The following FRMD4A variants were observed in gnomAD, a reference collection of about 807,000 sequenced individuals.
FRMD4A encodes FERM domain containing 4A, also known as FERM domain-containing protein 4A.
In FRMD4A, 29 loss-of-function variants were observed where a neutral mutation model predicts 129.1. The observed-to-expected ratio is 0.22, with a 90% CI of 0.17 to 0.31. The LOEUF is 0.31. Among genes scored for constraint, FRMD4A ranks in the 10% least tolerant of loss-of-function variants. FRMD4A has a pLI of 1.00. For synonymous variants in FRMD4A, 634 were observed against 571.6 expected (o/e 1.11, Z -1.56); for missense variants, 1,272 against 1,375.8 (o/e 0.92, Z 1.19).
intron 12 of FRMD4A, among the ~76,000 whole-genome samples, chr10:13,733,388 G>A (rs2090435084): frequency 6.6e-6 from 1 of 152,164 alleles, no homozygotes; most frequent in Non-Finnish European, 1.5e-5. Flanking sequence ...GGTACCCCTA[G>A]AAGCTAACAA....
chr10:13,812,615 G>A lies in FRMD4A; in HGVS notation c.112-1707C>T, dbSNP rs535123833. Among the ~76,000 whole-genome samples the A allele has an allele frequency of 9.2e-5, 14 of 152,314 alleles. No homozygotes were observed. The South Asian group carries it at 2.9e-3, about 32-fold the overall frequency. On this transcript the variant is annotated intron_variant, in intron 3 of 24. Transcript: ENST00000357447. ...ACAGGGACACGGAGTAAGAGCTAGC[G>A]CTGAGTTTAAAAAGCCAAAGAAGAT... is the stretch of plus-strand genomic sequence containing the variant.
intron 2 of FRMD4A, among the ~76,000 whole-genome samples, chr10:13,950,629 A>C (rs1588499462): frequency 6.6e-6 from 1 of 151,632 alleles, no homozygotes; most frequent in African/African-American, 2.4e-5. Flanking sequence ...TCTCTCTTCC[A>C]CCCTCCCCTT....
In FRMD4A at chr10:13,701,444, C is replaced by T. The variant is rs368993550; in HGVS notation, c.871G>A (p.Gly291Ser). Residue 291 changes from glycine to serine, a missense_variant, in exon 14 of 25, where the codon GGC (glycine) becomes AGC (serine). This residue lies in a region of FRMD4A where 300 missense variants were observed against 483.6 expected (regional missense o/e 0.62). Coordinates refer to ENST00000357447, the MANE Select transcript of FRMD4A (RefSeq NM_018027.5). ...SVTRRTFGHS[G>S]IAVHTWYACP... ...GCATACCACGTGTGCACTGCAATGC[C>T]GCTGTGCCCAAACGTCCTCCTTGTC... 34 of 1,613,710 alleles carry T rather than the reference C, an allele frequency of 2.1e-5. No homozygotes were observed. Among genetic ancestry groups the T allele is most frequent in the South Asian group, 1.8e-4 (16 of 91,070 alleles).
At position 13,750,103 on chromosome 10, in the gene FRMD4A, A is replaced by AT. The variant is rs879430544; in HGVS notation, c.465-2285_465-2284insA. Among the ~76,000 whole-genome samples, 293 of 107,964 alleles carry AT rather than the reference A, an allele frequency of 2.7e-3. 1 individual carries two copies. Among genetic ancestry groups the AT allele is most frequent in the Middle Eastern group, 0.018 (4 of 222 alleles). The allele number at this position is 107,964 out of a possible 152,430, so 70.8% of individuals were successfully genotyped here. A position where few individuals can be genotyped will look rare whatever the true frequency, so the allele number is the denominator to read the frequency against. ...AAGAAAGAAAGAAAGAAAGAAAGAA[A>AT]GAAATGAAGAAAGAAAGAAAGAAAG... On this transcript the variant is annotated intron_variant, in intron 8 of 24. Coordinates refer to ENST00000357447, the MANE Select transcript of FRMD4A (RefSeq NM_018027.5).
intron 2 of FRMD4A, among the ~76,000 whole-genome samples, chr10:14,277,470 G>A: frequency 6.6e-6 from 1 of 152,158 alleles, no homozygotes; most frequent in Non-Finnish European, 1.5e-5. Flanking sequence ...AGGAGAGAAG[G>A]TGCCACCTAT....
intron 12 of FRMD4A, among the ~76,000 whole-genome samples, chr10:13,712,475 C>T (rs2088123979): frequency 6.6e-6 from 1 of 151,600 alleles, no homozygotes; most frequent in Admixed American, 6.6e-5. Context: ...GATCTTACCA[C>T]TGCACTCCAG....
At chr10:13,685,635 G>A (rs971819911) in intron 15 of FRMD4A, 6 of 984,218 alleles carry the variant, frequency 6.1e-6, no homozygotes, top group African/African-American at 3.5e-5. Context: ...ACAGAGAAAC[G>A]CTCGTGGGAA....
At chr10:13,813,305 C>T (rs1417660621) in intron 3 of FRMD4A, among the ~76,000 whole-genome samples, 1 of 152,130 alleles carries the variant, frequency 6.6e-6, no homozygotes, top group African/African-American at 2.4e-5. Context: ...ATTAGCCAGG[C>T]GTGGTGGCGT....
intron 23 of FRMD4A, 75 bp from the exon 24 acceptor site, chr10:13,652,049 C>T (rs554375251): frequency 6.4e-5 from 52 of 818,408 alleles, no homozygotes; most frequent in Admixed American, 5.3e-4. Context: ...GACACAGACA[C>T]GATTAGTAGC....
At chr10:14,030,542 AT>A (rs1396778509) in intron 2 of FRMD4A, among the ~76,000 whole-genome samples, 2 of 152,214 alleles carry the variant, frequency 1.3e-5, no homozygotes, top group Non-Finnish European at 2.9e-5. Context: ...AAGAGAGAGG[AT>A]TTTAAAGATT....
At chr10:14,207,729 G>A (rs1383756916) in intron 2 of FRMD4A, among the ~76,000 whole-genome samples, 2 of 151,654 alleles carry the variant, frequency 1.3e-5, no homozygotes, top group East Asian at 1.9e-4. Context: ...CGGAGGGAAG[G>A]AGAAGGAAGA....
At chr10:14,195,338 G>A (rs1842441138) in intron 2 of FRMD4A, among the ~76,000 whole-genome samples, 1 of 151,394 alleles carries the variant, frequency 6.6e-6, no homozygotes, top group Admixed American at 6.6e-5. Context: ...AATTTAAAAA[G>A]AATAAAACCA....
chr10:13,811,571 CA>C (rs11361577), intron 3 of FRMD4A, among the ~76,000 whole-genome samples: 69,638 of 136,150 alleles, frequency 0.51, 16,730 homozygotes, highest in Middle Eastern at 0.59. Context: ...GACTCTGCCT[CA>C]AAAAAAAAAA....
intron 2 of FRMD4A, among the ~76,000 whole-genome samples, chr10:14,310,519 T>C (rs1247638304): frequency 2.0e-5 from 3 of 152,058 alleles, no homozygotes; most frequent in Non-Finnish European, 4.4e-5. Flanking sequence ...GCTGTGCCAA[T>C]AGGAAAAAGG....
chr10:13,839,707 G>C (rs959114933), intron 3 of FRMD4A, among the ~76,000 whole-genome samples: 5 of 152,190 alleles, frequency 3.3e-5, no homozygotes, highest in East Asian at 1.9e-4. Flanking sequence ...CGGCATACAG[G>C]CTCCTGGTTC....
At chr10:13,814,853 GT>G (rs978693573) in intron 3 of FRMD4A, among the ~76,000 whole-genome samples, 17 of 152,222 alleles carry the variant, frequency 1.1e-4, no homozygotes, top group Admixed American at 9.8e-4. Context: ...ATGGAAGGGG[GT>G]AAGTGGAGGC....
At chr10:13,970,926 T>C (rs964966773) in intron 2 of FRMD4A, among the ~76,000 whole-genome samples, 1 of 152,206 alleles carries the variant, frequency 6.6e-6, no homozygotes, top group Admixed American at 6.5e-5. Context: ...TTTTCTCATA[T>C]TTGGGTTGAG....
chr10:14,269,593 A>T (rs1232844116), intron 2 of FRMD4A, among the ~76,000 whole-genome samples: 1 of 152,028 alleles, frequency 6.6e-6, no homozygotes, highest in Non-Finnish European at 1.5e-5. Context: ...CCCAACAGAG[A>T]AAAGTTATCT....
chr10:14,089,396 G>T (rs1219628317), intron 2 of FRMD4A, among the ~76,000 whole-genome samples: 2 of 152,008 alleles, frequency 1.3e-5, no homozygotes, highest in Non-Finnish European at 2.9e-5. Flanking sequence ...CAGAGAGGAC[G>T]GGCTGGCCCA....
Sources: gnomAD v4.1 joint callset for allele counts (sites outside exome capture counted in the v4.1 genomes callset) on GRCh38, gnomAD v4.1.1 for gene constraint, gnomAD v4.1.1 regional missense constraint, MANE v1.5 for transcripts, NCBI Gene and HGNC (gene_info 2026-07-23, HGNC 2026-07-21) for gene names.